Variants in TFAP2B observed in about 807,000 individuals in gnomAD.
TFAP2B encodes the protein transcription factor AP-2 beta.
TFAP2B carries 9 observed loss-of-function variants against 44.3 expected under a neutral mutation model. The observed-to-expected ratio is 0.20, with a 90% CI of 0.12 to 0.35. TFAP2B has a LOEUF of 0.35. Ranked by LOEUF, TFAP2B falls within the 10% of genes least tolerant of loss-of-function variation. The pLI is 1.00. For synonymous variants in TFAP2B, 270 were observed against 263.8 expected, an observed-to-expected ratio of 1.02 and a Z score of -0.23; for missense variants, 509 against 600.0, an observed-to-expected ratio of 0.85 and a Z score of 1.59.
upstream of TFAP2B, among the ~76,000 whole-genome samples, chr6:50,818,563 G>A (rs555516160): frequency 2.0e-5 from 3 of 152,270 alleles, no homozygotes; most frequent in Admixed American, 6.5e-5. Flanking sequence ...TAATCACCCT[G>A]AACAACTCTT....
intron 3 of TFAP2B, among the ~76,000 whole-genome samples, chr6:50,829,268 CTGTGGAATCACCCCATACTGT>C (rs2113939055): frequency 6.6e-6 from 1 of 152,158 alleles, no homozygotes; most frequent in East Asian, 1.9e-4. Flanking sequence ...TTTAGTGTGA[CTGTGGAATCACCCCATACTGT>C]TAAAGGGCAT....
rs545595271 is a variant in TFAP2B, at chr6:50,836,242, A to G, written c.783A>G (p.Glu261=). 2 of 1,612,750 alleles carry G rather than the reference A, an allele frequency of 1.2e-6. No individual in the cohort carries two copies. The highest frequency in any genetic ancestry group is 2.2e-5 in the East Asian group (1 of 44,880). Residue 261 remains glutamate, a synonymous_variant, in exon 4 of 7, where the codon GAA becomes GAG. Coordinates refer to ENST00000393655, the MANE Select transcript of TFAP2B (RefSeq NM_003221.4). ...TTCAGAGACGGCTGTCGCCCCCTGA[A>G]TGCCTCAATGCATCTCTCCTCGGCG... The part of the protein sequence containing the change: ...GEVQRRLSPP[E]CLNASLLGGV...
At chr6:50,831,530 T>C (rs745893980) in intron 3 of TFAP2B, among the ~76,000 whole-genome samples, 42 of 152,200 alleles carry the variant, frequency 2.8e-4, no homozygotes, top group Middle Eastern at 3.4e-3. Flanking sequence ...TTAATACGAT[T>C]TGAAGGGGGC....
intron 2 of TFAP2B, among the ~76,000 whole-genome samples, chr6:50,827,556 G>A (rs531413635): frequency 2.4e-4 from 36 of 152,212 alleles, no homozygotes; most frequent in Non-Finnish European, 4.6e-4. Flanking sequence ...ATGAGTCGGT[G>A]TGAGTGCTGT....
intron 3 of TFAP2B, chr6:50,830,276 A>C: frequency 1.0e-6 from 1 of 984,570 alleles, no homozygotes; most frequent in East Asian, 1.1e-4. Flanking sequence ...ACAGATGACC[A>C]ATCAGAAATG....
chr6:50,832,569 T>C lies in TFAP2B; in HGVS notation c.602-3492T>C, dbSNP rs1044898376. ...GCTTTGCTGGTGAGAAAAAGAGTGCTAACTTTTAGGGGCCACTTTGAGTCA... is the reference window on the plus strand; with the variant it reads ...GCTTTGCTGGTGAGAAAAAGAGTGCCAACTTTTAGGGGCCACTTTGAGTCA... On this transcript the variant is annotated intron_variant, in intron 3 of 6. Coordinates refer to ENST00000393655, the MANE Select transcript of TFAP2B (RefSeq NM_003221.4). 3.3e-5 allele frequency among the ~76,000 whole-genome samples: 5 copies of C among 152,322 alleles called. 1 individual carries two copies. The highest frequency in any genetic ancestry group is 3.3e-4 in the Admixed American group (5 of 15,310).
rs886061565 is a variant in TFAP2B, at chr6:50,823,847, C to G, written c.522C>G (p.Pro174=). ...TCTCGCTGCACGGCCTCGGCCATCC[C>G]GGAATGGAAGACGTCCAGGTAACCA... ...DSLSLHGLGH[P]GMEDVQSVED... is the part of the protein sequence containing the mutation. The change falls in exon 2 of 7, where the codon CCC becomes CCG. Residue 174 remains proline (P), a synonymous_variant. Transcript: ENST00000393655. The G allele has an allele frequency of 1.7e-5, 27 of 1,556,668 alleles. No individual in the cohort carries two copies. Among genetic ancestry groups the G allele is most frequent in the Non-Finnish European group, 2.2e-5 (25 of 1,152,376 alleles).
At chr6:50,841,399 G>A (rs1367009743) in intron 6 of TFAP2B, among the ~76,000 whole-genome samples, 1 of 152,062 alleles carries the variant, frequency 6.6e-6, no homozygotes, top group Non-Finnish European at 1.5e-5. Context: ...TTGCCCTCCT[G>A]CCCCTTGCGC....
chr6:50,819,819 TAGGCGGACGAGGCGGCCG>T (rs1477166512), intron 1 of TFAP2B, among the ~76,000 whole-genome samples: 2 of 151,918 alleles, frequency 1.3e-5, no homozygotes, highest in East Asian at 1.9e-4. Context: ...CGAGGCGGAC[TAGGCGGACGAGGCGGCCG>T]AGGCGGGCGA....
At chr6:50,825,926 G>C (rs148402982) in intron 2 of TFAP2B, among the ~76,000 whole-genome samples, 2 of 152,314 alleles carry the variant, frequency 1.3e-5, no homozygotes, top group Admixed American at 6.5e-5. Flanking sequence ...GACAGGGACG[G>C]TCTCTGCCTC....
chr6:50,839,946 G>T (rs1181254352), intron 5 of TFAP2B, among the ~76,000 whole-genome samples: 2 of 152,116 alleles, frequency 1.3e-5, no homozygotes, highest in Middle Eastern at 3.2e-3. Context: ...TCAGGGAGAG[G>T]CAGGAAAAAG....
rs1023087129 is a variant in TFAP2B at position 50,843,628 on chromosome 6, G to A, written c.*236G>A. On this transcript the variant is annotated 3_prime_UTR_variant, in exon 7 of 7. Transcript: ENST00000393655. ...TTTCAAGATACATTTGGAGACAACC[G>A]TCCGGATTTTCCACTTCGGTTCTTT... 4.0e-6 allele frequency: 2 copies of A among 501,382 alleles called. No individual in the cohort carries two copies. Among genetic ancestry groups the A allele is most frequent in the Non-Finnish European group, 6.9e-6 (2 of 290,588 alleles). 31.1% of individuals were successfully genotyped at this position (501,382 alleles called of 1,614,324 possible).
chr6:50,836,285 C>A lies in TFAP2B; in HGVS notation c.821+5C>A. 2.5e-6 allele frequency: 4 copies of A among 1,608,856 alleles called. No homozygotes were observed. Among genetic ancestry groups the A allele is most frequent in the African/African-American group, 1.3e-5 (1 of 74,916 alleles). On this transcript the variant is annotated splice_donor_5th_base_variant and intron_variant, in intron 4 of 6. Transcript: ENST00000393655. ...CCTCGGCGGAGTCCTCAGAAGGTAACCCCACCACGAAAAACAAAAACAAAA... is the reference window on the plus strand; with the variant it reads ...CCTCGGCGGAGTCCTCAGAAGGTAAACCCACCACGAAAAACAAAAACAAAA...
chr6:50,842,009 T>C (rs1329636213), intron 6 of TFAP2B, among the ~76,000 whole-genome samples: 1 of 152,226 alleles, frequency 6.6e-6, no homozygotes, highest in Non-Finnish European at 1.5e-5. Flanking sequence ...ACCTGCCCTG[T>C]TTACCTGTTG....
At chr6:50,826,586 C>T (rs2744502) in intron 2 of TFAP2B, among the ~76,000 whole-genome samples, 92 of 149,602 alleles carry the variant, frequency 6.1e-4, no homozygotes, top group East Asian at 2.6e-3. Context: ...CGCGCGCGCG[C>T]GTGTGTGTGT....
At chr6:50,828,792 C>T in intron 3 of TFAP2B, 113 bp downstream of exon 3, 2 of 1,271,848 alleles carry the variant, frequency 1.6e-6, no homozygotes, top group African/African-American at 1.5e-5. Context: ...AATGTTTGTT[C>T]ACAATTATAG....
In TFAP2B at chr6:50,840,218, G is replaced by T; in HGVS notation, c.1003G>T (p.Ala335Ser). ...TTGCGAAACGGAGTTTCCCGCCAAA[G>T]CCGTCTCTGAGTATTTGAACCGGCA... ...YICETEFPAK[A>S]VSEYLNRQHT... The change falls in exon 6 of 7, where the codon GCC (alanine) becomes TCC (serine). Residue 335 changes from alanine to serine, a missense_variant. Coordinates refer to ENST00000393655, the MANE Select transcript of TFAP2B (RefSeq NM_003221.4). 6.2e-7 allele frequency: 1 copy of T among 1,614,150 alleles called. No individual in the cohort carries two copies. Among genetic ancestry groups the T allele is most frequent in the Non-Finnish European group, 8.5e-7 (1 of 1,180,040 alleles).
At chr6:50,818,704 C>G, upstream of TFAP2B, 9 of 603,220 alleles carry the variant, frequency 1.5e-5, no homozygotes, top group South Asian at 1.8e-4. Flanking sequence ...GCATCTAACT[C>G]CTGTGTGTGC....
rs2113962231 is a variant in TFAP2B, at chr6:50,843,845, T to C, written c.*453T>C. 6.1e-6 allele frequency: 1 copy of C among 164,612 alleles called. No individual in the cohort carries two copies. The highest frequency in any genetic ancestry group is 1.8e-4 in the East Asian group (1 of 5,474). The allele number at this position is 164,612 out of a possible 1,614,324, so 10.2% of individuals were successfully genotyped here. The stretch of plus-strand genomic sequence containing the variant: ...AATTTTAAATATATTTTTAGGAAAC[T>C]CTCGCAGTCCCCGCCCTCCATCTCA... On this transcript the variant is annotated 3_prime_UTR_variant, in exon 7 of 7. Transcript: ENST00000393655.
Sources: allele counts gnomAD v4.1 joint callset (sites outside exome capture counted in the v4.1 genomes callset), GRCh38; gene constraint gnomAD v4.1.1; transcripts MANE v1.5; gene names NCBI Gene and HGNC (gene_info 2026-07-23, HGNC 2026-07-21).